THSD7B: variants seen among roughly 807,000 people sequenced by gnomAD.
THSD7B encodes thrombospondin type 1 domain containing 7B, also known as thrombospondin type-1 domain-containing protein 7B.
THSD7B carries 138 observed loss-of-function variants against 213.6 expected under a neutral mutation model. That is an observed-to-expected ratio of 0.65 (90% confidence interval 0.56 to 0.74). The LOEUF (loss-of-function observed/expected upper bound fraction) is 0.74. Among genes scored for constraint, THSD7B ranks in the 30% least tolerant of loss-of-function variants. The probability of loss-of-function intolerance (pLI) is 0.00; values close to 1 mark genes in which losing one functional copy is unlikely to be tolerated. For missense variants in THSD7B, 1,931 were observed against 1,991.5 expected, an observed-to-expected ratio of 0.97 and a Z score of 0.58; for synonymous variants, 742 against 687.0, an observed-to-expected ratio of 1.08 and a Z score of -1.25.
At chr2:137,251,395 A>G (rs779200083) in intron 10 of THSD7B, among the ~76,000 whole-genome samples, 1 of 152,128 alleles carries the variant, frequency 6.6e-6, no homozygotes, top group Non-Finnish European at 1.5e-5. Flanking sequence ...CAGTCTGTCT[A>G]TTATCTGTAA....
chr2:137,068,749 G>GT (rs1687424505), intron 3 of THSD7B, among the ~76,000 whole-genome samples: 1 of 151,990 alleles, frequency 6.6e-6, no homozygotes, highest in Non-Finnish European at 1.5e-5. Flanking sequence ...CTTCGGATCT[G>GT]TTTCCTTTTG....
intron 14 of THSD7B, among the ~76,000 whole-genome samples, chr2:137,422,129 A>G (rs1423866581): frequency 6.6e-6 from 1 of 151,684 alleles, no homozygotes; most frequent in East Asian, 1.9e-4. Context: ...TTATTTTCTT[A>G]TTTTCCTTGT....
chr2:136,904,060 A>G (rs147262279), intron 2 of THSD7B, among the ~76,000 whole-genome samples: 2 of 52,444 alleles, frequency 3.8e-5, no homozygotes, highest in Non-Finnish European at 7.3e-5. Context: ...TGTGTCCCCA[A>G]ATGTTCCTCA....
intron 12 of THSD7B, among the ~76,000 whole-genome samples, chr2:137,386,708 CT>C (rs1449110856): frequency 6.6e-6 from 1 of 152,144 alleles, no homozygotes; most frequent in African/African-American, 2.4e-5. Context: ...CCCCTGCCCT[CT>C]TCATCTCATA....
chr2:137,637,465 C>G (rs17693504), intron 20 of THSD7B, among the ~76,000 whole-genome samples: 9 of 152,152 alleles, frequency 5.9e-5, no homozygotes, highest in Non-Finnish European at 1.3e-4. Flanking sequence ...AAGTTTAACA[C>G]GAACCAATTA....
At chr2:136,838,137 A>G (rs1480532834) in intron 1 of THSD7B, among the ~76,000 whole-genome samples, 6 of 152,204 alleles carry the variant, frequency 3.9e-5, no homozygotes, top group Admixed American at 6.5e-5. Flanking sequence ...CTTTGATCCT[A>G]AAGAGTTGTG....
At chr2:137,397,769 C>G (rs1001903807) in intron 12 of THSD7B, among the ~76,000 whole-genome samples, 1 of 151,394 alleles carries the variant, frequency 6.6e-6, no homozygotes, top group African/African-American at 2.4e-5. Context: ...TGTTTTCCAA[C>G]TTGGTTCCAT....
chr2:137,233,311 A>G (rs889492186), intron 9 of THSD7B, among the ~76,000 whole-genome samples, 178 bp downstream of exon 9: 1 of 152,254 alleles, frequency 6.6e-6, no homozygotes, highest in African/African-American at 2.4e-5. Flanking sequence ...AAACGTGTTT[A>G]TGATATATAT....
At chr2:136,856,208 G>A (rs1427101417) in intron 1 of THSD7B, among the ~76,000 whole-genome samples, 3 of 152,174 alleles carry the variant, frequency 2.0e-5, no homozygotes, top group Non-Finnish European at 4.4e-5. Context: ...ATGAGTTGAT[G>A]AACGGATGAT....
At chr2:136,839,034 G>C (rs571640990) in intron 1 of THSD7B, among the ~76,000 whole-genome samples, 1 of 152,252 alleles carries the variant, frequency 6.6e-6, no homozygotes, top group South Asian at 2.1e-4. Flanking sequence ...GAATGCTTTA[G>C]TCCACTAACC....
Position 137,231,170 on chromosome 2 carries a change from G to A in THSD7B, c.1850G>A (p.Cys617Tyr), listed in dbSNP as rs1415538774. 6.2e-7 allele frequency: 1 copy of A among 1,613,518 alleles called. No individual in the cohort carries two copies. Among genetic ancestry groups the A allele is most frequent in the Non-Finnish European group, 8.5e-7 (1 of 1,179,698 alleles). Residue 617 changes from cysteine (C) to tyrosine (Y), a missense_variant, in exon 8 of 28, where the codon TGT (cysteine) becomes TAT (tyrosine). Coordinates refer to ENST00000409968, the MANE Select transcript of THSD7B (RefSeq NM_001316349.2). ...GAGTGGTCATCCTGTTCCCAGTCCT[G>A]TTCAAATAAAAACTCAGATGGGAAA... is the stretch of plus-strand genomic sequence containing the variant. ...WTEWSSCSQSCSNKNSDGKQT... is the reference protein window; with the variant it reads ...WTEWSSCSQSYSNKNSDGKQT...
chr2:136,852,081 T>A lies in THSD7B; in HGVS notation c.-35-30063T>A, dbSNP rs151232973. On this transcript the variant is annotated intron_variant, in intron 1 of 27. Transcript: ENST00000409968. Reference sequence around the variant, plus strand: ...GTCCTTAAAATAGATGATCCTGGATTGTTTAAATGGGCCCAATCTAATCAG... The same window carrying A: ...GTCCTTAAAATAGATGATCCTGGATAGTTTAAATGGGCCCAATCTAATCAG... 4.9e-4 allele frequency among the ~76,000 whole-genome samples: 75 copies of A among 152,142 alleles called. No homozygotes were observed. The East Asian group carries it at 0.014, about 28-fold the overall frequency.
At chr2:136,928,068 T>C (rs1379773668) in intron 2 of THSD7B, among the ~76,000 whole-genome samples, 1 of 152,162 alleles carries the variant, frequency 6.6e-6, no homozygotes, top group Non-Finnish European at 1.5e-5. Flanking sequence ...GCTCCTTGAC[T>C]TACAATGGAG....
At chr2:137,385,932 C>G (rs1685884768) in intron 12 of THSD7B, among the ~76,000 whole-genome samples, 1 of 152,124 alleles carries the variant, frequency 6.6e-6, no homozygotes, top group Admixed American at 6.6e-5. Context: ...GTTCTTAATT[C>G]CACTTATATT....
intron 27 of THSD7B, among the ~76,000 whole-genome samples, chr2:137,670,218 G>A (rs751152375): frequency 2.0e-5 from 3 of 152,102 alleles, no homozygotes; most frequent in Non-Finnish European, 4.4e-5. Context: ...CCCATCTGCA[G>A]TCTACAGCCA....
chr2:137,222,112 A>C (rs1027348499), intron 7 of THSD7B, among the ~76,000 whole-genome samples: 1 of 152,216 alleles, frequency 6.6e-6, no homozygotes, highest in Admixed American at 6.5e-5. Flanking sequence ...CATTTTTACC[A>C]ATAATAAGAA....
intron 12 of THSD7B, among the ~76,000 whole-genome samples, chr2:137,352,792 G>A (rs1002425061): frequency 6.6e-6 from 1 of 151,804 alleles, no homozygotes; most frequent in Admixed American, 6.6e-5. Flanking sequence ...GTTTAAGAAG[G>A]GTTAAAGGGA....
At chr2:137,158,480 T>G (rs1679950728) in intron 5 of THSD7B, among the ~76,000 whole-genome samples, 1 of 152,230 alleles carries the variant, frequency 6.6e-6, no homozygotes, top group Non-Finnish European at 1.5e-5. Context: ...AATCTTGCTT[T>G]GTACTTGCCC....
intron 1 of THSD7B, among the ~76,000 whole-genome samples, chr2:136,826,106 T>C (rs1486142731): frequency 6.6e-6 from 1 of 152,086 alleles, no homozygotes; most frequent in Admixed American, 6.5e-5. Context: ...CATAAATTAG[T>C]TTCATCCTTT....
Sources: allele counts gnomAD v4.1 joint callset (sites outside exome capture counted in the v4.1 genomes callset), GRCh38; gene constraint gnomAD v4.1.1; transcripts MANE v1.5; gene names NCBI Gene and HGNC (gene_info 2026-07-23, HGNC 2026-07-21).